FCHSD2: variants seen among roughly 807,000 people sequenced by gnomAD.
The protein encoded by FCHSD2 is F-BAR and double SH3 domains protein 2.
A neutral mutation model predicts 108.1 loss-of-function variants in FCHSD2; 38 were observed. The observed-to-expected ratio is 0.35, with a 90% CI of 0.27 to 0.46. FCHSD2 has a LOEUF of 0.46. Ranked by LOEUF, FCHSD2 falls within the 20% of genes least tolerant of loss-of-function variation. The probability of loss-of-function intolerance (pLI) is 1.00; values close to 1 mark genes in which losing one functional copy is unlikely to be tolerated. For synonymous variants in FCHSD2, 279 were observed against 314.7 expected, an observed-to-expected ratio of 0.89 and a Z score of 1.20; for missense variants, 751 against 897.8, an observed-to-expected ratio of 0.84 and a Z score of 2.09.
At chr11:72,896,341 T>G (rs1353791938) in intron 10 of FCHSD2, among the ~76,000 whole-genome samples, 2 of 152,228 alleles carry the variant, frequency 1.3e-5, no homozygotes, top group African/African-American at 4.8e-5. Context: ...GTATAGATCA[T>G]ACTTATCTAA....
chr11:72,956,719 C>G (rs1268132722), intron 8 of FCHSD2, among the ~76,000 whole-genome samples: 1 of 152,018 alleles, frequency 6.6e-6, no homozygotes, highest in Non-Finnish European at 1.5e-5. Context: ...AAGACCCCAC[C>G]TCCTAATATT....
chr11:73,052,663 T>TAA (rs1277207050), intron 3 of FCHSD2, among the ~76,000 whole-genome samples: 1 of 152,182 alleles, frequency 6.6e-6, no homozygotes. Flanking sequence ...CCTAATGTTT[T>TAA]AAAGGTGTGA....
intron 13 of FCHSD2, among the ~76,000 whole-genome samples, chr11:72,850,234 T>C (rs771066679): frequency 4.6e-5 from 7 of 151,674 alleles, no homozygotes; most frequent in Non-Finnish European, 7.4e-5. Flanking sequence ...GGCTAATTGT[T>C]TTGTATTTTT....
At chr11:72,839,768 T>G (rs1280896729) in intron 19 of FCHSD2, among the ~76,000 whole-genome samples, 1 of 152,108 alleles carries the variant, frequency 6.6e-6, no homozygotes, top group African/African-American at 2.4e-5. Context: ...CATCTGAAGC[T>G]CAAGAGAAGA....
At chr11:73,110,693 T>C (rs576002545) in intron 2 of FCHSD2, among the ~76,000 whole-genome samples, 2 of 152,274 alleles carry the variant, frequency 1.3e-5, no homozygotes, top group South Asian at 4.1e-4. Context: ...TTATTATTTC[T>C]TTTATTCTAC....
chr11:73,077,097 C>CAAAAAAAA (rs372641793), intron 3 of FCHSD2, among the ~76,000 whole-genome samples: 1 of 72,478 alleles, frequency 1.4e-5, no homozygotes, highest in Non-Finnish European at 2.5e-5. Context: ...GACTCTGTCT[C>CAAAAAAAA]AAAAAAAAAA....
chr11:73,097,252 C>T (rs936055707), intron 2 of FCHSD2, among the ~76,000 whole-genome samples: 1 of 151,650 alleles, frequency 6.6e-6, no homozygotes, highest in African/African-American at 2.4e-5. Context: ...TATCCACCTG[C>T]CTCAACCTCC....
At chr11:73,064,774 C>A (rs937675316) in intron 3 of FCHSD2, among the ~76,000 whole-genome samples, 1 of 152,084 alleles carries the variant, frequency 6.6e-6, no homozygotes, top group Non-Finnish European at 1.5e-5. Context: ...GGATAAATTC[C>A]TTGACACATA....
At chr11:73,079,002 C>T (rs767635211) in intron 3 of FCHSD2, among the ~76,000 whole-genome samples, 92 of 152,010 alleles carry the variant, frequency 6.1e-4, no homozygotes, top group Non-Finnish European at 1.1e-3. Flanking sequence ...TACAGGCGTG[C>T]GCTACCGCAC....
intron 6 of FCHSD2, among the ~76,000 whole-genome samples, chr11:72,988,063 A>G (rs537253580): frequency 9.2e-5 from 14 of 152,364 alleles, no homozygotes; most frequent in Admixed American, 9.1e-4. Flanking sequence ...CAAGTTGCTT[A>G]TAAGGTTGCT....
chr11:72,892,475 T>C (rs1020051139), intron 10 of FCHSD2, among the ~76,000 whole-genome samples: 4 of 152,196 alleles, frequency 2.6e-5, no homozygotes, highest in African/African-American at 9.7e-5. Flanking sequence ...ACTGAGAATT[T>C]CATACAAGGT....
chr11:73,096,676 A>G (rs1025316001), intron 2 of FCHSD2, among the ~76,000 whole-genome samples: 19 of 152,158 alleles, frequency 1.2e-4, no homozygotes, highest in Middle Eastern at 3.2e-3. Context: ...CTGAACTTAT[A>G]GGGAAAGTGT....
At chr11:72,973,054 C>T (rs572400334) in intron 8 of FCHSD2, among the ~76,000 whole-genome samples, 369 of 152,246 alleles carry the variant, frequency 2.4e-3, no homozygotes, top group Non-Finnish European at 4.2e-3. Flanking sequence ...CAATAAACAA[C>T]TAAAATTTCC....
intron 8 of FCHSD2, among the ~76,000 whole-genome samples, chr11:72,968,911 TA>T (rs1483038853): frequency 6.6e-6 from 1 of 152,172 alleles, no homozygotes; most frequent in African/African-American, 2.4e-5. Context: ...AAAACAAAAA[TA>T]AAACCCAGTT....
At chr11:72,911,046 G>A (rs192058290) in intron 9 of FCHSD2, among the ~76,000 whole-genome samples, 21 of 152,078 alleles carry the variant, frequency 1.4e-4, no homozygotes, top group Non-Finnish European at 2.5e-4. Flanking sequence ...TGCTTGCAGG[G>A]TATTACTCAA....
chr11:72,851,104 A>AG (rs1861276780), intron 13 of FCHSD2, among the ~76,000 whole-genome samples: 1 of 149,780 alleles, frequency 6.7e-6, no homozygotes, highest in Non-Finnish European at 1.5e-5. Context: ...TCTGTCTCAA[A>AG]AAAAAAAAAA....
intron 2 of FCHSD2, among the ~76,000 whole-genome samples, chr11:73,090,436 G>A (rs537047640): frequency 1.9e-4 from 29 of 151,830 alleles, no homozygotes; most frequent in African/African-American, 2.9e-4. Flanking sequence ...CGTTTTAGCC[G>A]GGATGGTCTC....
chr11:73,022,306 A>G (rs1858128066), intron 3 of FCHSD2, among the ~76,000 whole-genome samples: 1 of 152,166 alleles, frequency 6.6e-6, no homozygotes, highest in Non-Finnish European at 1.5e-5. Flanking sequence ...TACAGATAGG[A>G]AAGGAAGAAA....
At chr11:72,994,459 A>T (rs986851944) in intron 5 of FCHSD2, among the ~76,000 whole-genome samples, 2 of 152,198 alleles carry the variant, frequency 1.3e-5, no homozygotes, top group Admixed American at 6.5e-5. Context: ...ATAGACTCAG[A>T]TGTTAAATAA....
Sources: gnomAD v4.1 joint callset for allele counts (sites outside exome capture counted in the v4.1 genomes callset) on GRCh38, gnomAD v4.1.1 for gene constraint, MANE v1.5 for transcripts, NCBI Gene and HGNC (gene_info 2026-07-23, HGNC 2026-07-21) for gene names.